ARAP2: variants seen among roughly 807,000 people sequenced by gnomAD.
ARAP2 encodes ArfGAP with RhoGAP domain, ankyrin repeat and PH domain 2, also known as arf-GAP with Rho-GAP domain, ANK repeat and PH domain-containing protein 2.
In ARAP2, 148 loss-of-function variants were observed where a neutral mutation model predicts 194.5. The observed-to-expected ratio is 0.76, with a 90% CI of 0.67 to 0.87. The LOEUF is 0.87. Among genes scored for constraint, ARAP2 ranks in the 40% least tolerant of loss-of-function variants. The pLI is 0.00. For missense variants in ARAP2, 2,128 were observed against 1,989.7 expected (o/e 1.07, Z -1.32); for synonymous variants, 695 against 683.5 (o/e 1.02, Z -0.26).
rs755461225 is a variant in ARAP2, at chr4:36,128,529, T to C, written c.3640+4A>G. 1 of 1,587,200 alleles carries C rather than the reference T, an allele frequency of 6.3e-7. No homozygotes were observed. The highest frequency in any genetic ancestry group is 8.6e-7 in the Non-Finnish European group (1 of 1,158,492). On this transcript the variant is annotated splice_donor_region_variant and intron_variant, in intron 21 of 32. Transcript: ENST00000303965. ...ATATCTACAAATATCTGTATAAATA[T>C]TACCTAAAGCAGAGATCCAATATGG...
intron 26 of ARAP2, among the ~76,000 whole-genome samples, chr4:36,108,724 GTT>G (rs1418883069): frequency 6.6e-6 from 1 of 151,938 alleles, no homozygotes; most frequent in African/African-American, 2.4e-5. Flanking sequence ...TCACAGAAAA[GTT>G]TTTGATGATC....
chr4:36,146,615 C>T (rs1050673152), intron 19 of ARAP2, among the ~76,000 whole-genome samples: 2 of 152,006 alleles, frequency 1.3e-5, no homozygotes, highest in African/African-American at 4.8e-5. Context: ...TTTACTTTTT[C>T]GTTTTATGAA....
At chr4:36,087,340 C>T (rs1346199081) in intron 28 of ARAP2, among the ~76,000 whole-genome samples, 1 of 152,028 alleles carries the variant, frequency 6.6e-6, no homozygotes, top group Non-Finnish European at 1.5e-5. Context: ...GTATCAGTTG[C>T]ATTAATCTAT....
intron 3 of ARAP2, among the ~76,000 whole-genome samples, chr4:36,050,965 T>A (rs936252591): frequency 1.3e-5 from 2 of 152,248 alleles, no homozygotes; most frequent in Middle Eastern, 3.2e-3. Flanking sequence ...ATAATGAGTA[T>A]TAACTTTTTA....
intron 6 of ARAP2, among the ~76,000 whole-genome samples, chr4:36,195,744 T>C (rs1742932076): frequency 6.6e-6 from 1 of 152,192 alleles, no homozygotes; most frequent in African/African-American, 2.4e-5. Context: ...GATGACCCGA[T>C]CCAAAGTGGA....
chr4:36,182,279 T>C (rs1293311116), intron 8 of ARAP2, among the ~76,000 whole-genome samples: 2 of 152,000 alleles, frequency 1.3e-5, no homozygotes, highest in African/African-American at 4.8e-5. Flanking sequence ...AATCACGAGG[T>C]CAGGATATTG....
At chr4:36,009,833 G>A (rs1253207925) in intron 9 of ARAP2, among the ~76,000 whole-genome samples, 2 of 134,396 alleles carry the variant, frequency 1.5e-5, no homozygotes, top group Non-Finnish European at 3.1e-5. Context: ...ATATAGGAAA[G>A]TCCCTCTCTC....
intron 6 of ARAP2, among the ~76,000 whole-genome samples, chr4:36,201,025 A>T (rs868133317): frequency 2.0e-5 from 3 of 152,246 alleles, no homozygotes; most frequent in Admixed American, 6.5e-5. Flanking sequence ...TACACAGAAA[A>T]TAGATTTAAA....
rs1715479081 is a variant in ARAP2 at position 36,096,915 on chromosome 4, T to C, written c.4286-4895A>G. 2.0e-5 allele frequency among the ~76,000 whole-genome samples: 3 copies of C among 152,108 alleles called. No individual in the cohort carries two copies. The South Asian group carries it at 6.2e-4, about 31-fold the overall frequency. On this transcript the variant is annotated intron_variant, in intron 27 of 32. Coordinates refer to ENST00000303965, the MANE Select transcript of ARAP2 (RefSeq NM_015230.4). ...AAAGGCATCTATAATGCCTTGTTGGTTTACAAATAGGTATTTTTAAAAGCA... is the reference window on the plus strand; with the variant it reads ...AAAGGCATCTATAATGCCTTGTTGGCTTACAAATAGGTATTTTTAAAAGCA...
chr4:36,162,036 A>T (rs1231585897), intron 11 of ARAP2, among the ~76,000 whole-genome samples: 1 of 150,618 alleles, frequency 6.6e-6, no homozygotes, highest in Non-Finnish European at 1.5e-5. Flanking sequence ...TGAACCCGGG[A>T]GGCGGAGCTT....
intron 27 of ARAP2, among the ~76,000 whole-genome samples, chr4:36,097,593 G>A (rs534998910): frequency 6.6e-6 from 1 of 152,188 alleles, no homozygotes; most frequent in East Asian, 1.9e-4. Context: ...CCTCTTGCTA[G>A]ACAGAAAGCT....
intron 5 of ARAP2, among the ~76,000 whole-genome samples, chr4:36,030,150 T>C (rs1388273807): frequency 6.6e-6 from 1 of 152,068 alleles, no homozygotes; most frequent in African/African-American, 2.4e-5. Context: ...TGTGTCTCTA[T>C]AACCATTATA....
chr4:36,219,068 AAC>A (rs1748606573), intron 2 of ARAP2, among the ~76,000 whole-genome samples: 1 of 152,208 alleles, frequency 6.6e-6, no homozygotes, highest in Non-Finnish European at 1.5e-5. Flanking sequence ...GCTAACAAAA[AAC>A]ACACAAATGT....
intron 31 of ARAP2, among the ~76,000 whole-genome samples, chr4:36,078,958 G>T (rs1728857625): frequency 6.6e-6 from 1 of 152,026 alleles, no homozygotes; most frequent in African/African-American, 2.4e-5. Flanking sequence ...CGGATCACCT[G>T]ACGTCAGAAG....
chr4:36,139,234 G>A (rs556644311), intron 19 of ARAP2, among the ~76,000 whole-genome samples: 1 of 151,516 alleles, frequency 6.6e-6, no homozygotes, highest in South Asian at 2.1e-4. Context: ...AGAAGTGGTG[G>A]GAATAAATAT....
intron 2 of ARAP2, among the ~76,000 whole-genome samples, chr4:36,053,505 TGA>T (rs1288460865): frequency 6.6e-6 from 1 of 152,206 alleles, no homozygotes; most frequent in African/African-American, 2.4e-5. Context: ...AGATAACTAC[TGA>T]TGATGTTTTC....
At chr4:36,043,556 C>T (rs1721228203) in intron 5 of ARAP2, among the ~76,000 whole-genome samples, 1 of 151,934 alleles carries the variant, frequency 6.6e-6, no homozygotes, top group African/African-American at 2.4e-5. Flanking sequence ...TTGCCAGAAG[C>T]TAAAGGCATA....
At position 36,068,062 on chromosome 4, in the gene ARAP2, G is replaced by A. The variant is rs1725890062; in HGVS notation, c.4960C>T (p.Leu1654=). 6.2e-7 allele frequency: 1 copy of A among 1,613,910 alleles called. No individual in the cohort carries two copies. The highest frequency in any genetic ancestry group is 8.5e-7 in the Non-Finnish European group (1 of 1,179,990). The change falls in exon 33 of 33, where the codon CTA becomes TTA. Residue 1654 remains leucine, a synonymous_variant. Transcript: ENST00000303965. ...TCCTCAGTCTTCCTCAATGTCTTTA[G>A]GCCTTTATGGCCTTTTGGTTGCCCA... The part of the protein sequence containing the change: ...PLGQPKGHKG[L]KTLRKTEDRN...
downstream of ARAP2, among the ~76,000 whole-genome samples, chr4:36,063,958 A>T (rs1454853845): frequency 6.6e-6 from 1 of 152,212 alleles, no homozygotes; most frequent in Non-Finnish European, 1.5e-5. Flanking sequence ...CTTTTGCATT[A>T]TATTTTTGAA....
Sources: gnomAD v4.1 joint callset for allele counts (sites outside exome capture counted in the v4.1 genomes callset) on GRCh38, gnomAD v4.1.1 for gene constraint, MANE v1.5 for transcripts, NCBI Gene and HGNC (gene_info 2026-07-23, HGNC 2026-07-21) for gene names.